The following LHFPL3 variants were observed in gnomAD, a reference collection of about 807,000 sequenced individuals.
LHFPL3 encodes LHFPL tetraspan subfamily member 3 protein.
LHFPL3 carries 5 observed loss-of-function variants against 19.3 expected under a neutral mutation model. The observed-to-expected ratio is 0.26, with a 90% CI of 0.14 to 0.54. LHFPL3 has a LOEUF of 0.54. LHFPL3 is among the 20% of genes least tolerant of loss of function. The pLI is 0.94. For missense variants in LHFPL3, 249 were observed against 307.4 expected (o/e 0.81, Z 1.42); for synonymous variants, 133 against 126.2 (o/e 1.05, Z -0.36).
chr7:104,854,662 G>A (rs184698076), intron 2 of LHFPL3, among the ~76,000 whole-genome samples: 6 of 151,960 alleles, frequency 3.9e-5, no homozygotes, highest in Non-Finnish European at 8.8e-5. Flanking sequence ...ATCACCTTCC[G>A]GTCTGAAGTC....
chr7:104,439,171 A>C (rs888953915), intron 1 of LHFPL3, among the ~76,000 whole-genome samples: 2 of 152,190 alleles, frequency 1.3e-5, no homozygotes, highest in African/African-American at 4.8e-5. Context: ...TCAAAAAATT[A>C]AGGAAGGAAT....
intron 1 of LHFPL3, among the ~76,000 whole-genome samples, chr7:104,452,014 G>A (rs1014163560): frequency 3.3e-5 from 5 of 152,114 alleles, no homozygotes; most frequent in African/African-American, 1.2e-4. Flanking sequence ...CCAAAGTGCT[G>A]AAATGACAGG....
chr7:104,832,323 C>CCTAA (rs1316931045), intron 2 of LHFPL3, among the ~76,000 whole-genome samples: 1 of 151,846 alleles, frequency 6.6e-6, no homozygotes, highest in Non-Finnish European at 1.5e-5. Context: ...AAAGAAAACA[C>CCTAA]CTAACTATGA....
intron 2 of LHFPL3, among the ~76,000 whole-genome samples, chr7:104,844,238 G>A (rs539979147): frequency 6.6e-6 from 1 of 152,194 alleles, no homozygotes; most frequent in Non-Finnish European, 1.5e-5. Flanking sequence ...CCCCATCCAT[G>A]CACTGGCACC....
chr7:104,621,805 G>A (rs1181979132), intron 1 of LHFPL3, among the ~76,000 whole-genome samples: 1 of 152,112 alleles, frequency 6.6e-6, no homozygotes, highest in Non-Finnish European at 1.5e-5. Context: ...CTCCTCCACT[G>A]ATAAATAGAG....
intron 1 of LHFPL3, among the ~76,000 whole-genome samples, chr7:104,391,723 AAGTCATTGGTAGC>A (rs1339167169): frequency 1.3e-5 from 2 of 152,260 alleles, no homozygotes; most frequent in East Asian, 3.9e-4. Flanking sequence ...TCTGTGAAGA[AAGTCATTGGTAGC>A]TTGATGGGGA....
chr7:104,526,945 A>G (rs28493662), intron 1 of LHFPL3, among the ~76,000 whole-genome samples: 2,459 of 152,324 alleles, frequency 0.016, 70 homozygotes, highest in African/African-American at 0.056. Flanking sequence ...GTAATAAAAT[A>G]TCAAATAGTG....
chr7:104,897,208 GC>G (rs914415881), intron 2 of LHFPL3, among the ~76,000 whole-genome samples: 1 of 152,090 alleles, frequency 6.6e-6, no homozygotes, highest in African/African-American at 2.4e-5. Flanking sequence ...GTCATTTGTG[GC>G]TAACCAGTGT....
chr7:104,827,638 T>G (rs1409829447), intron 2 of LHFPL3, among the ~76,000 whole-genome samples: 3 of 151,810 alleles, frequency 2.0e-5, no homozygotes, highest in African/African-American at 4.9e-5. Flanking sequence ...GATAGTATCT[T>G]GTCTGCATAA....
intron 1 of LHFPL3, among the ~76,000 whole-genome samples, chr7:104,526,193 AG>A (rs1794186110): frequency 6.6e-6 from 1 of 152,210 alleles, no homozygotes; most frequent in Non-Finnish European, 1.5e-5. Context: ...TCAGATTTGC[AG>A]GAACTACCAC....
chr7:104,902,718 G>A (rs374920579), intron 2 of LHFPL3, among the ~76,000 whole-genome samples: 16 of 152,188 alleles, frequency 1.1e-4, no homozygotes, highest in East Asian at 5.8e-4. Context: ...CCAGGGAGGC[G>A]GAGGTTACAG....
intron 1 of LHFPL3, among the ~76,000 whole-genome samples, chr7:104,667,066 C>G (rs972662669): frequency 3.3e-5 from 5 of 152,126 alleles, no homozygotes; most frequent in Admixed American, 3.3e-4. Flanking sequence ...TGGGAAATCT[C>G]CATATGGTTT....
At chr7:104,704,714 C>T (rs1410731494) in intron 1 of LHFPL3, among the ~76,000 whole-genome samples, 1 of 151,954 alleles carries the variant, frequency 6.6e-6, no homozygotes, top group African/African-American at 2.4e-5. Context: ...CGGCTTACTA[C>T]AGCCTCGGCC....
chr7:104,561,343 T>G (rs2115948706), intron 1 of LHFPL3, among the ~76,000 whole-genome samples: 1 of 150,266 alleles, frequency 6.7e-6, no homozygotes, highest in South Asian at 2.1e-4. Context: ...CACTCAGGAC[T>G]TGCTTTATGA....
intron 2 of LHFPL3, among the ~76,000 whole-genome samples, chr7:104,758,753 C>T (rs1012605286): frequency 1.3e-5 from 2 of 152,032 alleles, no homozygotes; most frequent in African/African-American, 4.8e-5. Flanking sequence ...GAGATAGATG[C>T]ATGTAATCAG....
intron 1 of LHFPL3, among the ~76,000 whole-genome samples, chr7:104,582,847 T>C (rs1317864802): frequency 6.6e-6 from 1 of 151,926 alleles, no homozygotes; most frequent in African/African-American, 2.4e-5. Context: ...GCTAATGTTT[T>C]GCTAAGGATT....
rs545012488 is a variant in LHFPL3 at position 104,749,075 on chromosome 7, C to T, written c.682+12164C>T. ...ATAAGTAGGAATGCCTAGAGTTGGC[C>T]GAATCCAATTAATATCTCCCAGCAA... On this transcript the variant is annotated intron_variant, in intron 2 of 2. Coordinates refer to ENST00000424859, the MANE Select transcript of LHFPL3 (RefSeq NM_199000.3). 1.1e-4 allele frequency among the ~76,000 whole-genome samples: 16 copies of T among 152,226 alleles called. No homozygotes were observed. In the East Asian group the frequency reaches 1.9e-3, roughly 18 times the overall value.
chr7:104,404,934 T>C (rs537339071), intron 1 of LHFPL3, among the ~76,000 whole-genome samples: 1 of 152,312 alleles, frequency 6.6e-6, no homozygotes, highest in East Asian at 1.9e-4. Context: ...AGGTAAAAAT[T>C]AGGTTCTCCA....
intron 1 of LHFPL3, among the ~76,000 whole-genome samples, chr7:104,387,671 T>G (rs1242724620): frequency 1.3e-5 from 2 of 152,090 alleles, no homozygotes; most frequent in African/African-American, 4.8e-5. Flanking sequence ...GGCCAAAAAT[T>G]TCCTAAATTT....
Sources: allele counts gnomAD v4.1 joint callset (sites outside exome capture counted in the v4.1 genomes callset), GRCh38; gene constraint gnomAD v4.1.1; transcripts MANE v1.5; gene names NCBI Gene and HGNC (gene_info 2026-07-23, HGNC 2026-07-21).